The following MLIP variants were observed in gnomAD, a reference collection of about 807,000 sequenced individuals.
The protein encoded by MLIP is muscular LMNA-interacting protein.
Under a neutral mutation model 84.8 loss-of-function variants are expected in MLIP, and 79 were observed. The ratio of observed to expected loss-of-function variants is 0.93; its 90% confidence interval spans 0.78 to 1.12. MLIP has a LOEUF of 1.12. Ranked by LOEUF, MLIP falls within the 50% of genes most tolerant of loss-of-function variation. The pLI is 0.00. For synonymous variants in MLIP, 504 were observed against 463.0 expected, an observed-to-expected ratio of 1.09 and a Z score of -1.14; for missense variants, 1,257 against 1,160.6, an observed-to-expected ratio of 1.08 and a Z score of -1.21.
chr6:54,111,109 A>G (rs1769423878), upstream of MLIP, among the ~76,000 whole-genome samples: 1 of 152,232 alleles, frequency 6.6e-6, no homozygotes, highest in African/African-American at 2.4e-5. Flanking sequence ...GCGCCCTTCA[A>G]TCAGCTTCTC....
At chr6:54,035,503 T>A (rs1181719053) in intron 1 of MLIP, among the ~76,000 whole-genome samples, 2 of 152,130 alleles carry the variant, frequency 1.3e-5, no homozygotes, top group African/African-American at 4.8e-5. Context: ...CTGAGACATA[T>A]GGTAAGTCCA....
intron 8 of MLIP, among the ~76,000 whole-genome samples, chr6:54,167,354 T>A (rs970926196): frequency 1.3e-5 from 2 of 151,892 alleles, no homozygotes; most frequent in Non-Finnish European, 2.9e-5. Flanking sequence ...GTAGCCTCCT[T>A]GTTGTGCCTT....
chr6:54,113,151 G>C (rs1006855409), intron 1 of MLIP, among the ~76,000 whole-genome samples: 11 of 152,022 alleles, frequency 7.2e-5, no homozygotes, highest in Admixed American at 5.9e-4. Flanking sequence ...AATTTTATTT[G>C]GATGGAACAT....
chr6:54,021,820 T>G (rs1023093709), intron 1 of MLIP, among the ~76,000 whole-genome samples: 1 of 152,230 alleles, frequency 6.6e-6, no homozygotes, highest in Non-Finnish European at 1.5e-5. Context: ...GTGAAATTTC[T>G]CATAATTTGG....
At chr6:54,222,806 C>T (rs1353117610) in intron 11 of MLIP, among the ~76,000 whole-genome samples, 1 of 151,910 alleles carries the variant, frequency 6.6e-6, no homozygotes, top group African/African-American at 2.4e-5. Flanking sequence ...TACTGTTTTC[C>T]TTACTGACTT....
At chr6:54,073,122 A>G (rs957963091) in intron 1 of MLIP, among the ~76,000 whole-genome samples, 2 of 152,190 alleles carry the variant, frequency 1.3e-5, no homozygotes, top group African/African-American at 4.8e-5. Context: ...CCCAACTTTC[A>G]AACTCTGTCC....
At chr6:54,106,259 G>T (rs529302190) in intron 1 of MLIP, among the ~76,000 whole-genome samples, 5 of 152,164 alleles carry the variant, frequency 3.3e-5, no homozygotes, top group African/African-American at 4.8e-5. Flanking sequence ...CTAGCCATCC[G>T]ATGTCCCTAA....
At chr6:54,158,058 A>G (rs1774220027) in intron 5 of MLIP, among the ~76,000 whole-genome samples, 1 of 152,114 alleles carries the variant, frequency 6.6e-6, no homozygotes, top group Non-Finnish European at 1.5e-5. Context: ...TTAGGGTTAT[A>G]TCCCATGCCA....
chr6:54,149,522 C>A (rs569779374), intron 5 of MLIP, among the ~76,000 whole-genome samples: 2 of 152,208 alleles, frequency 1.3e-5, no homozygotes, highest in East Asian at 1.9e-4. Context: ...CAGTTGGCCA[C>A]CTTGGGTTGT....
upstream of MLIP, among the ~76,000 whole-genome samples, chr6:54,109,924 T>TCTTCCTTCCTTCCTTCATTC (rs1769308376): frequency 1.5e-5 from 1 of 65,860 alleles, no homozygotes. Flanking sequence ...TTTCTTTCTT[T>TCTTCCTTCCTTCCTTCATTC]CTTCCTTCCT....
intron 13 of MLIP, among the ~76,000 whole-genome samples, chr6:54,261,093 G>A (rs1265041697): frequency 1.3e-5 from 2 of 152,014 alleles, no homozygotes; most frequent in East Asian, 3.9e-4. Context: ...TACAGGCAGA[G>A]CATACTCGTT....
At chr6:54,134,688 G>C (rs544198641) in intron 3 of MLIP, among the ~76,000 whole-genome samples, 1 of 152,118 alleles carries the variant, frequency 6.6e-6, no homozygotes, top group South Asian at 2.1e-4. Flanking sequence ...CTCTGAATGA[G>C]ACCCTAACAG....
upstream of MLIP, among the ~76,000 whole-genome samples, chr6:54,110,661 T>A (rs1769385506): frequency 6.6e-6 from 1 of 152,230 alleles, no homozygotes; most frequent in African/African-American, 2.4e-5. Flanking sequence ...TTGATCTATA[T>A]CTAGTCCTTT....
At position 54,111,626 on chromosome 6, in the gene MLIP, A is replaced by T. The variant is rs930855638; in HGVS notation, c.96+51A>T. ...TTTCAGTAACTTTTAAAAGCAGTGT[A>T]CGGTGCTGGTGGTATTTGCTGCAAG... On this transcript the variant is annotated intron_variant, in intron 1 of 13. Coordinates refer to ENST00000502396, the MANE Select transcript of MLIP (RefSeq NM_001281747.2). The T allele has an allele frequency of 3.3e-6, 5 of 1,517,932 alleles. No homozygotes were observed. The African/African-American group carries it at 6.9e-5, about 21-fold the overall frequency. 94.0% of individuals were successfully genotyped at this position (1,517,932 alleles called of 1,614,324 possible).
At chr6:54,113,212 A>G (rs1301535847) in intron 1 of MLIP, among the ~76,000 whole-genome samples, 1 of 152,204 alleles carries the variant, frequency 6.6e-6, no homozygotes, top group Non-Finnish European at 1.5e-5. Context: ...GCCTAGTTAC[A>G]GAACCTGGGG....
intron 9 of MLIP, among the ~76,000 whole-genome samples, chr6:54,177,270 G>C (rs1035642965): frequency 3.3e-5 from 5 of 152,056 alleles, no homozygotes; most frequent in African/African-American, 1.2e-4. Flanking sequence ...CCTAGAGAAT[G>C]GGAGAAATTT....
chr6:54,022,983 C>T (rs558708750), intron 1 of MLIP, among the ~76,000 whole-genome samples: 5 of 151,800 alleles, frequency 3.3e-5, no homozygotes, highest in South Asian at 2.1e-4. Context: ...CTGGCTAACA[C>T]GGTGAAACAC....
chr6:54,235,539 G>A (rs1279644278), intron 12 of MLIP, among the ~76,000 whole-genome samples: 2 of 152,086 alleles, frequency 1.3e-5, no homozygotes, highest in South Asian at 2.1e-4. Context: ...TGTTTATCTA[G>A]GGTGTGACAT....
intron 12 of MLIP, among the ~76,000 whole-genome samples, chr6:54,246,235 T>TC (rs1403973130): frequency 6.6e-6 from 1 of 152,116 alleles, no homozygotes; most frequent in Non-Finnish European, 1.5e-5. Flanking sequence ...ATGAAGGCAT[T>TC]CAAATGAAGT....
Sources: allele counts gnomAD v4.1 joint callset (sites outside exome capture counted in the v4.1 genomes callset), GRCh38; gene constraint gnomAD v4.1.1; transcripts MANE v1.5; gene names NCBI Gene and HGNC (gene_info 2026-07-23, HGNC 2026-07-21).